Variants in TAS2R1 observed in about 807,000 individuals in gnomAD.
TAS2R1 encodes the protein taste receptor type 2 member 1.
For synonymous variants in TAS2R1, 141 were observed against 134.2 expected, an observed-to-expected ratio of 1.05 and a Z score of -0.35; for missense variants, 370 against 353.4, an observed-to-expected ratio of 1.05 and a Z score of -0.38.
the TAS2R1 span, among the ~76,000 whole-genome samples, chr5:9,780,363 C>A: frequency 2.0e-5 from 3 of 152,210 alleles, no homozygotes; most frequent in South Asian, 4.1e-4. Context: ...TTACACAGGA[C>A]CTTTGTGTCA....
the TAS2R1 span, among the ~76,000 whole-genome samples, chr5:9,796,433 AG>A: frequency 6.6e-6 from 1 of 152,166 alleles, no homozygotes; most frequent in Admixed American, 6.5e-5. Flanking sequence ...ATGGCCAGCA[AG>A]GGTCTCAAAT....
At chr5:9,852,447 T>C in the TAS2R1 span, among the ~76,000 whole-genome samples, 2 of 152,192 alleles carry the variant, frequency 1.3e-5, no homozygotes, top group Admixed American at 1.3e-4. Context: ...ACTCCTGGCA[T>C]GTACAAGTTG....
chr5:9,753,615 C>T, the TAS2R1 span, among the ~76,000 whole-genome samples: 1 of 152,040 alleles, frequency 6.6e-6, no homozygotes, highest in African/African-American at 2.4e-5. Flanking sequence ...GACATGAAGT[C>T]CTTGCCCATG....
At chr5:9,857,772 C>T in the TAS2R1 span, among the ~76,000 whole-genome samples, 1 of 151,840 alleles carries the variant, frequency 6.6e-6, no homozygotes, top group Non-Finnish European at 1.5e-5. Context: ...AAAGTAGAGG[C>T]TTGTTCCAGT....
chr5:9,717,448 T>C, the TAS2R1 span, among the ~76,000 whole-genome samples: 1 of 151,880 alleles, frequency 6.6e-6, no homozygotes, highest in African/African-American at 2.4e-5. Context: ...AATTTATAAA[T>C]GTAGTGCAAG....
At chr5:9,833,810 AAAG>A in the TAS2R1 span, among the ~76,000 whole-genome samples, 2,319 of 152,340 alleles carry the variant, frequency 0.015, 57 homozygotes, top group African/African-American at 0.051. Context: ...GGTTTAGCCC[AAAG>A]AATTCACTTA....
chr5:9,896,847 GCACC>G, the TAS2R1 span, among the ~76,000 whole-genome samples: 2 of 152,120 alleles, frequency 1.3e-5, no homozygotes, highest in Admixed American at 1.3e-4. Flanking sequence ...CTTGCTAAAT[GCACC>G]CACTGCTTCT....
chr5:9,901,439 A>T, the TAS2R1 span, among the ~76,000 whole-genome samples: 22,567 of 151,988 alleles, frequency 0.15, 2,218 homozygotes, highest in Middle Eastern at 0.28. Flanking sequence ...TCTTCTGGAA[A>T]ACAATGTGGC....
chr5:9,797,801 T>TA, the TAS2R1 span, among the ~76,000 whole-genome samples: 39 of 151,622 alleles, frequency 2.6e-4, no homozygotes, highest in African/African-American at 7.5e-4. Flanking sequence ...TCTACAATTA[T>TA]AAAAAAAAAT....
the TAS2R1 span, among the ~76,000 whole-genome samples, chr5:9,734,643 T>C: frequency 6.6e-6 from 1 of 152,198 alleles, no homozygotes; most frequent in Non-Finnish European, 1.5e-5. Context: ...CTATGCTATC[T>C]GTTTAGCATA....
chr5:9,692,018 C>A (rs1416302660), intron 1 of TAS2R1, among the ~76,000 whole-genome samples: 2 of 152,130 alleles, frequency 1.3e-5, no homozygotes, highest in Non-Finnish European at 2.9e-5. Context: ...CCATTCTCAG[C>A]TGTCCTCTCA....
chr5:9,678,385 G>A (rs1740920635), intron 1 of TAS2R1, among the ~76,000 whole-genome samples: 1 of 152,136 alleles, frequency 6.6e-6, no homozygotes, highest in Non-Finnish European at 1.5e-5. Flanking sequence ...ATTCCTCAAA[G>A]ACCTAGAAGG....
intron 1 of TAS2R1, among the ~76,000 whole-genome samples, chr5:9,704,139 C>T (rs943209890): frequency 6.6e-6 from 1 of 152,128 alleles, no homozygotes; most frequent in Non-Finnish European, 1.5e-5. Context: ...TGAGGTGCAG[C>T]GATTCCCCTA....
At chr5:9,662,406 T>C (rs1740554569) in intron 1 of TAS2R1, among the ~76,000 whole-genome samples, 1 of 152,298 alleles carries the variant, frequency 6.6e-6, no homozygotes. Flanking sequence ...ACGCAGAGCA[T>C]GCTGTGCTGG....
the TAS2R1 span, among the ~76,000 whole-genome samples, chr5:9,762,124 A>G: frequency 2.0e-5 from 3 of 152,076 alleles, no homozygotes; most frequent in African/African-American, 7.2e-5. Context: ...CCAGCCTCAC[A>G]CTGGTAATAA....
At chr5:9,663,344 T>C (rs1415915585) in intron 1 of TAS2R1, among the ~76,000 whole-genome samples, 2 of 152,206 alleles carry the variant, frequency 1.3e-5, no homozygotes, top group African/African-American at 4.8e-5. Flanking sequence ...ATTTTAATTG[T>C]ATTATATTTC....
At chr5:9,849,094 G>T in the TAS2R1 span, among the ~76,000 whole-genome samples, 1 of 152,254 alleles carries the variant, frequency 6.6e-6, no homozygotes. Context: ...CAAAAGCACA[G>T]CATTTGGCTG....
the TAS2R1 span, among the ~76,000 whole-genome samples, chr5:9,761,400 T>C: frequency 3.3e-5 from 5 of 150,840 alleles, no homozygotes; most frequent in Non-Finnish European, 5.9e-5. Context: ...TTGATGGTTA[T>C]ACTTCAAGTC....
chr5:9,878,960 G>A, the TAS2R1 span, among the ~76,000 whole-genome samples: 1 of 152,342 alleles, frequency 6.6e-6, no homozygotes, highest in South Asian at 2.1e-4. Context: ...AGGCCAGTGA[G>A]TGCAGGGTGC....
Sources: gnomAD v4.1 joint callset for allele counts (sites outside exome capture counted in the v4.1 genomes callset) on GRCh38, gnomAD v4.1.1 for gene constraint, MANE v1.5 for transcripts, NCBI Gene and HGNC (gene_info 2026-07-23, HGNC 2026-07-21) for gene names.